The following SMIM21 variants were observed in gnomAD, a reference collection of about 807,000 sequenced individuals.
SMIM21 encodes the protein small integral membrane protein 21, also known as chromosome 18 open reading frame 62.
A neutral mutation model predicts 8.6 loss-of-function variants in SMIM21; 8 were observed. The ratio of observed to expected loss-of-function variants is 0.93; its 90% CI spans 0.55 to 1.68. The LOEUF (loss-of-function observed/expected upper bound fraction) is 1.68. Among genes scored for constraint, SMIM21 ranks in the 40% most tolerant of loss-of-function variants. The pLI is 0.00. For missense variants in SMIM21, 132 were observed against 123.0 expected (o/e 1.07, Z -0.35); for synonymous variants, 43 against 41.7 (o/e 1.03, Z -0.12).
Position 75,410,210 on chromosome 18 carries a change from T to C in SMIM21, c.*654A>G, listed in dbSNP as rs1356790866. The C allele has an allele frequency of 2.6e-5, 4 of 152,688 alleles. No homozygotes were observed. Among genetic ancestry groups the C allele is most frequent in the Non-Finnish European group, 4.4e-5 (3 of 68,060 alleles). 9.5% of individuals were successfully genotyped at this position (152,688 alleles called of 1,614,324 possible). On this transcript the variant is annotated 3_prime_UTR_variant, in exon 3 of 3. Transcript: ENST00000579022. ...TGCTCCATCCTAAATCATTTGATAA[T>C]GTAAGAGGCTTGGTGCAGTTTTCTA...
At position 75,410,327 on chromosome 18, in the gene SMIM21, T is replaced by A. The variant is rs556798105; in HGVS notation, c.*537A>T. ...TATTACAGTAATGAGGACTGTCGGTTTTTTCATCTCCTCTAATATGTTACC... is the reference window on the plus strand; with the variant it reads ...TATTACAGTAATGAGGACTGTCGGTATTTTCATCTCCTCTAATATGTTACC... On this transcript the variant is annotated 3_prime_UTR_variant, in exon 3 of 3. Transcript: ENST00000579022. 1 of 153,128 alleles carries A rather than the reference T, an allele frequency of 6.5e-6. No homozygotes were observed. The highest frequency in any genetic ancestry group is 1.5e-5 in the Non-Finnish European group (1 of 68,354). The allele number at this position is 153,128 out of a possible 1,614,324, so 9.5% of individuals were successfully genotyped here.
chr18:75,424,602 A>G (rs1357668815), intron 1 of SMIM21, among the ~76,000 whole-genome samples: 2 of 152,016 alleles, frequency 1.3e-5, no homozygotes, highest in African/African-American at 4.8e-5. Context: ...TGCCTGTATC[A>G]CTCCAAGTCC....
chr18:75,412,131 G>T (rs979183360), intron 2 of SMIM21, among the ~76,000 whole-genome samples: 17 of 152,080 alleles, frequency 1.1e-4, no homozygotes, highest in African/African-American at 3.9e-4. Flanking sequence ...TGAGCTTCCA[G>T]GATCAACACT....
At chr18:75,418,584 G>A (rs980694532) in intron 2 of SMIM21, among the ~76,000 whole-genome samples, 8 of 152,088 alleles carry the variant, frequency 5.3e-5, no homozygotes, top group Non-Finnish European at 1.0e-4. Flanking sequence ...GCTCTATCAC[G>A]GATGGATATT....
At chr18:75,420,023 T>C (rs1315666384) in intron 1 of SMIM21, among the ~76,000 whole-genome samples, 1 of 152,178 alleles carries the variant, frequency 6.6e-6, no homozygotes, top group Non-Finnish European at 1.5e-5. Flanking sequence ...CCAGCATCCA[T>C]CTACTGGTAA....
intron 2 of SMIM21, among the ~76,000 whole-genome samples, chr18:75,411,898 C>G (rs2024588408): frequency 6.6e-6 from 1 of 152,186 alleles, no homozygotes; most frequent in South Asian, 2.1e-4. Flanking sequence ...CTTCATTTCT[C>G]CCTGCTCTAT....
chr18:75,418,828 C>A lies in SMIM21; in HGVS notation c.218G>T (p.Gly73Val), dbSNP rs776429162. Reference protein sequence around the residue: ...VLLRNHSRIQGVSEDWKRANS... With the variant: ...VLLRNHSRIQVVSEDWKRANS... ...GGCCCTTTTCCAGTCTTCAGAAACC[C>A]CTTGTATCCTGCTATGATTCCTCAG... The change falls in exon 2 of 3, where the codon GGG becomes GTG. Residue 73 changes from glycine to valine, a missense_variant. Coordinates refer to ENST00000579022, the MANE Select transcript of SMIM21 (RefSeq NM_001037331.3). 6.2e-7 allele frequency: 1 copy of A among 1,612,918 alleles called. No homozygotes were observed.
intron 1 of SMIM21, among the ~76,000 whole-genome samples, chr18:75,420,816 T>C (rs1267285245): frequency 6.6e-6 from 1 of 152,168 alleles, no homozygotes; most frequent in Non-Finnish European, 1.5e-5. Context: ...TGGGCCCTTT[T>C]TCCAGGATCC....
chr18:75,419,500 C>T (rs1313440181), intron 1 of SMIM21, among the ~76,000 whole-genome samples: 1 of 152,098 alleles, frequency 6.6e-6, no homozygotes, highest in Non-Finnish European at 1.5e-5. Context: ...ATTTCACAGT[C>T]TTTTAAGAAA....
chr18:75,415,603 A>G lies in SMIM21; in HGVS notation c.260+3183T>C, dbSNP rs192070393. On this transcript the variant is annotated intron_variant, in intron 2 of 2. Transcript: ENST00000579022. ...ACACAAAACAAACGTCCTTACTCAGAGATCACCACCACTAACAACTCTGAG... is the reference window on the plus strand; with the variant it reads ...ACACAAAACAAACGTCCTTACTCAGGGATCACCACCACTAACAACTCTGAG... 2.5e-4 allele frequency among the ~76,000 whole-genome samples: 38 copies of G among 152,368 alleles called. No homozygotes were observed. The East Asian group carries it at 4.4e-3, about 18-fold the overall frequency.
chr18:75,425,494 C>T (rs1177189115), intron 1 of SMIM21, among the ~76,000 whole-genome samples: 2 of 152,166 alleles, frequency 1.3e-5, no homozygotes, highest in South Asian at 2.1e-4. Context: ...TCGTATGATC[C>T]ATGAAGTAGT....
chr18:75,423,714 A>G (rs2024732624), intron 1 of SMIM21, among the ~76,000 whole-genome samples: 1 of 152,262 alleles, frequency 6.6e-6, no homozygotes, highest in Non-Finnish European at 1.5e-5. Context: ...GCACTGACTC[A>G]AGCCCATTTC....
chr18:75,416,413 G>A (rs1335980488), intron 2 of SMIM21: 1 of 152,108 alleles, frequency 6.6e-6, no homozygotes, highest in African/African-American at 2.4e-5. Flanking sequence ...TCTGAATATG[G>A]GATATTAATA....
Position 75,427,623 on chromosome 18 carries a change from C to A in SMIM21, c.-60G>T. Reference sequence around the variant, plus strand: ...CTTGATGACAGCGACTCTGAGGACACAGAGCTGGTGCTATAAGACCTGGTA... The same window carrying A: ...CTTGATGACAGCGACTCTGAGGACAAAGAGCTGGTGCTATAAGACCTGGTA... On this transcript the variant is annotated 5_prime_UTR_variant, in exon 1 of 3. Transcript: ENST00000579022. 6.6e-7 allele frequency: 1 copy of A among 1,508,332 alleles called. No homozygotes were observed. The highest frequency in any genetic ancestry group is 8.9e-7 in the Non-Finnish European group (1 of 1,127,488). The allele number at this position is 1,508,332 out of a possible 1,614,324, so 93.4% of individuals were successfully genotyped here.
chr18:75,417,642 A>G (rs1411304645), intron 2 of SMIM21: 1 of 152,204 alleles, frequency 6.6e-6, no homozygotes, highest in African/African-American at 2.4e-5. Flanking sequence ...CCGTAAGCTC[A>G]ACGGCTCTCT....
chr18:75,411,110 G>A (rs1249513335), intron 2 of SMIM21, among the ~76,000 whole-genome samples: 1 of 152,136 alleles, frequency 6.6e-6, no homozygotes, highest in Non-Finnish European at 1.5e-5. Flanking sequence ...GGAATTTTGA[G>A]TTCAGAATAG....
At chr18:75,419,174 G>C (rs1290645375) in intron 1 of SMIM21, 3 of 259,582 alleles carry the variant, frequency 1.2e-5, no homozygotes, top group African/African-American at 2.2e-5. Flanking sequence ...TAAATTAAAA[G>C]CAGATTCACA....
chr18:75,419,098 T>C, intron 1 of SMIM21, 182 bp from the exon 2 acceptor site: 1 of 449,648 alleles, frequency 2.2e-6, no homozygotes, highest in Non-Finnish European at 3.9e-6. Flanking sequence ...TAAAATTAGT[T>C]GGGGAAAAGA....
In SMIM21 at chr18:75,418,833, T is replaced by C. The variant is rs759190552; in HGVS notation, c.213A>G (p.Ile71Met). ...TTTTCCAGTCTTCAGAAACCCCTTG[T>C]ATCCTGCTATGATTCCTCAGCAACA... ...VMVLLRNHSR[I>M]QGVSEDWKRA... Residue 71 changes from isoleucine (I) to methionine (M), a missense_variant, in exon 2 of 3, where the codon ATA (isoleucine) becomes ATG (methionine). By Grantham distance (10) the Ile-to-Met change is conservative. Coordinates refer to ENST00000579022, the MANE Select transcript of SMIM21 (RefSeq NM_001037331.3). The C allele has an allele frequency of 1.9e-6, 3 of 1,613,322 alleles. No individual in the cohort carries two copies. Among genetic ancestry groups the C allele is most frequent in the Non-Finnish European group, 2.5e-6 (3 of 1,179,308 alleles).
Sources: allele counts gnomAD v4.1 joint callset (sites outside exome capture counted in the v4.1 genomes callset), GRCh38; gene constraint gnomAD v4.1.1; transcripts MANE v1.5; gene names NCBI Gene and HGNC (gene_info 2026-07-23, HGNC 2026-07-21).